PXN: variants seen among roughly 807,000 people sequenced by gnomAD.
PXN encodes testicular tissue protein Li 134.
In PXN, 61 loss-of-function variants were observed where a neutral mutation model predicts 103.6. The ratio of observed to expected loss-of-function variants is 0.59; its 90% CI spans 0.48 to 0.73. PXN has a LOEUF of 0.73. Among genes scored for constraint, PXN ranks in the 30% least tolerant of loss-of-function variants. The probability of loss-of-function intolerance (pLI) is 0.00; values close to 1 mark genes in which losing one functional copy is unlikely to be tolerated. For missense variants in PXN, 1,274 were observed against 1,460.3 expected (o/e 0.87, Z 2.08); for synonymous variants, 562 against 607.8 (o/e 0.92, Z 1.11).
Position 120,212,650 on chromosome 12 carries a change from G to A in PXN, c.2980-70C>T, listed in dbSNP as rs542519174. On this transcript the variant is annotated intron_variant, in intron 14 of 14. Transcript: ENST00000637617. The surrounding 1 kb of genome is among the most constrained non-coding windows in gnomAD (Gnocchi z 7.2). ...GAGCTGCACCCTGTGTGATGGGGCCGAGGTGGGCATAGTCGGCACGCTCGG... is the reference window on the plus strand; with the variant it reads ...GAGCTGCACCCTGTGTGATGGGGCCAAGGTGGGCATAGTCGGCACGCTCGG... 25 of 1,549,664 alleles carry A rather than the reference G, an allele frequency of 1.6e-5. No homozygotes were observed. The highest frequency in any genetic ancestry group is 2.0e-4 in the Middle Eastern group (1 of 5,102).
At position 120,210,782 on chromosome 12, in the gene PXN, A is replaced by C. The variant is rs1361987069; in HGVS notation, c.*1532T>G. 3 of 152,632 alleles carry C rather than the reference A, an allele frequency of 2.0e-5. No homozygotes were observed. Among genetic ancestry groups the C allele is most frequent in the African/African-American group, 2.4e-5 (1 of 41,442 alleles). The allele number at this position is 152,632 out of a possible 1,614,324, so 9.5% of individuals were successfully genotyped here. On this transcript the variant is annotated 3_prime_UTR_variant, in exon 15 of 15. Transcript: ENST00000637617. ...TGGAGTGGTTTGGACTGTCACCATTAGACCCCGGTGGGGCCCCTTTCTCCT... is the reference window on the plus strand; with the variant it reads ...TGGAGTGGTTTGGACTGTCACCATTCGACCCCGGTGGGGCCCCTTTCTCCT...
chr12:120,245,746 C>A (rs1177766787), intron 1 of PXN, among the ~76,000 whole-genome samples: 1 of 141,800 alleles, frequency 7.1e-6, no homozygotes, highest in African/African-American at 2.7e-5. Flanking sequence ...CGAGATCGCA[C>A]GACTGCACTC....
chr12:120,242,196 A>T (rs1197681979), intron 1 of PXN, among the ~76,000 whole-genome samples: 1 of 152,124 alleles, frequency 6.6e-6, no homozygotes, highest in East Asian at 1.9e-4. Flanking sequence ...TTGTTAAATT[A>T]TATGGTACCC....
chr12:120,216,791 C>T lies in PXN; in HGVS notation c.1992+50G>A. On this transcript the variant is annotated intron_variant, in intron 8 of 14. Transcript: ENST00000637617. The surrounding 1 kb of genome is among the most constrained non-coding windows in gnomAD (Gnocchi z 5.1). ...CTGGGGCCAGGGAAGAACCCGGACC[C>T]CAGGTGCTTGGCTCTGGCCCAGCCC... 1 of 1,579,076 alleles carries T rather than the reference C, an allele frequency of 6.3e-7. No individual in the cohort carries two copies. Among genetic ancestry groups the T allele is most frequent in the South Asian group, 1.1e-5 (1 of 88,504 alleles).
chr12:120,228,805 G>A lies in PXN; in HGVS notation c.14-4428C>T, dbSNP rs974198966. On this transcript the variant is annotated intron_variant, in intron 1 of 14. Coordinates refer to ENST00000637617, the MANE Select transcript of PXN (RefSeq NM_001385981.1). The surrounding 1 kb of genome is among the most constrained non-coding windows in gnomAD (Gnocchi z 4.7). ...CCTGTGCAAATGCAGCACCGTGTGCGCCCCTATCTGCACCCCATGGCTGCA... is the reference window on the plus strand; with the variant it reads ...CCTGTGCAAATGCAGCACCGTGTGCACCCCTATCTGCACCCCATGGCTGCA... 3.9e-5 allele frequency among the ~76,000 whole-genome samples: 6 copies of A among 152,206 alleles called. No individual in the cohort carries two copies. The highest frequency in any genetic ancestry group is 7.2e-5 in the African/African-American group (3 of 41,442).
At position 120,215,797 on chromosome 12, in the gene PXN, G is replaced by T; in HGVS notation, c.2302-136C>A. 7.8e-7 allele frequency: 1 copy of T among 1,284,328 alleles called. No individual in the cohort carries two copies. Among genetic ancestry groups the T allele is most frequent in the East Asian group, 2.7e-5 (1 of 36,554 alleles). 79.6% of individuals were successfully genotyped at this position (1,284,328 alleles called of 1,614,324 possible). ...TCCCCCACCGGCAGGACCAAAATTG[G>T]GGGAAAAAATCTGGAGAAAAAGAGC... On this transcript the variant is annotated intron_variant, in intron 9 of 14. Coordinates refer to ENST00000637617, the MANE Select transcript of PXN (RefSeq NM_001385981.1). The surrounding 1 kb of genome is among the most constrained non-coding windows in gnomAD (Gnocchi z 4.9).
Position 120,212,375 on chromosome 12 carries a change from G to T in PXN, c.3185C>A (p.Thr1062Asn). ...AFCLKQLNKG[T>N]FKEQNDKPYC... ...AGGCTTGTCGTTCTGCTCCTTGAAG[G>T]TGCCCTTGTTGAGCTGCTTGAGGCA... Residue 1062 changes from threonine (T) to asparagine (N), a missense_variant, in exon 15 of 15, where the codon ACC (threonine) becomes AAC (asparagine). By Grantham distance (65) the Thr-to-Asn change is moderately conservative. Transcript: ENST00000637617. The surrounding 1 kb of genome is among the most constrained non-coding windows in gnomAD (Gnocchi z 7.2). 1.2e-6 allele frequency: 2 copies of T among 1,614,034 alleles called. No homozygotes were observed. The highest frequency in any genetic ancestry group is 1.7e-6 in the Non-Finnish European group (2 of 1,179,902).
intron 1 of PXN, among the ~76,000 whole-genome samples, chr12:120,248,158 CAA>C (rs538420700): frequency 1.4e-3 from 217 of 152,120 alleles, no homozygotes; most frequent in African/African-American, 5.1e-3. Context: ...GCAAATAACC[CAA>C]GAGAGGTGAA....
chr12:120,217,481 G>T lies in PXN; in HGVS notation c.1717-365C>A, dbSNP rs1169331559. Among the ~76,000 whole-genome samples the T allele has an allele frequency of 6.6e-6, 1 of 152,232 alleles. No homozygotes were observed. Among genetic ancestry groups the T allele is most frequent in the African/African-American group, 2.4e-5 (1 of 41,470 alleles). On this transcript the variant is annotated intron_variant, in intron 7 of 14. Coordinates refer to ENST00000637617, the MANE Select transcript of PXN (RefSeq NM_001385981.1). The surrounding 1 kb of genome is among the most constrained non-coding windows in gnomAD (Gnocchi z 4.1). ...GGCTTACCGCACAGGGTTTGCACAAGAATTATTCCAGAGGATGTAAGTGCA... is the reference window on the plus strand; with the variant it reads ...GGCTTACCGCACAGGGTTTGCACAATAATTATTCCAGAGGATGTAAGTGCA...
chr12:120,219,070 G>A lies in PXN; in HGVS notation c.1716+137C>T, dbSNP rs767729935. 4 of 960,802 alleles carry A rather than the reference G, an allele frequency of 4.2e-6. No individual in the cohort carries two copies. Among genetic ancestry groups the A allele is most frequent in the Non-Finnish European group, 6.0e-6 (4 of 671,748 alleles). 59.5% of individuals were successfully genotyped at this position (960,802 alleles called of 1,614,324 possible). On this transcript the variant is annotated intron_variant, in intron 7 of 14. Transcript: ENST00000637617. This position sits in a 1 kb window ranked among gnomAD's most constrained non-coding sequence, Gnocchi z 6.5. ...CCCACTGCCAAGTGCTGACTGTCAG[G>A]TCCGGCCACAGTGTCTCAGCATTTT...
chr12:120,230,880 TCTCCTTGAGGGGC>T (rs1887897945), intron 1 of PXN, among the ~76,000 whole-genome samples: 1 of 152,066 alleles, frequency 6.6e-6, no homozygotes, highest in Admixed American at 6.5e-5. Context: ...AGGAACTCAG[TCTCCTTGAGGGGC>T]CTTCCCTGCC....
At chr12:120,226,872 G>C in intron 1 of PXN, 10 of 995,824 alleles carry the variant, frequency 1.0e-5, no homozygotes, top group Non-Finnish European at 1.2e-5. Context: ...ATAAGGGCTA[G>C]CAGGTACACT....
At chr12:120,253,011 AAAAAAAAAAGGAACAACATGGACTTTTT>A in intron 1 of PXN, among the ~76,000 whole-genome samples, 1 of 151,616 alleles carries the variant, frequency 6.6e-6, no homozygotes, top group Admixed American at 6.6e-5. Context: ...AAAAAAAAAA[AAAAAAAAAAGGAACAACATGGACTTTTT>A]GGTGCAATCT....
Position 120,215,835 on chromosome 12 carries a change from G to T in PXN, c.2302-174C>A. The T allele has an allele frequency of 7.8e-7, 1 of 1,286,994 alleles. No homozygotes were observed. Among genetic ancestry groups the T allele is most frequent in the Non-Finnish European group, 1.0e-6 (1 of 974,448 alleles). The allele number at this position is 1,286,994 out of a possible 1,614,324, so 79.7% of individuals were successfully genotyped here. On this transcript the variant is annotated intron_variant, in intron 9 of 14. Transcript: ENST00000637617. The surrounding 1 kb of genome is among the most constrained non-coding windows in gnomAD (Gnocchi z 4.9). ...GGAGAAAAAGAGCCCTGAGAGAGAG[G>T]CCTAGGGAGAAAGGAAGAAGGACAG... is the stretch of plus-strand genomic sequence containing the variant.
Position 120,265,651 on chromosome 12 carries a change from T to C in PXN, c.-22A>G. 2 of 1,465,572 alleles carry C rather than the reference T, an allele frequency of 1.4e-6. No individual in the cohort carries two copies. Among genetic ancestry groups the C allele is most frequent in the South Asian group, 1.3e-5 (1 of 77,138 alleles). 90.8% of individuals were successfully genotyped at this position (1,465,572 alleles called of 1,614,324 possible). ...CCATGGCCGGACCACGGGCGCCGGC[T>C]CAGGGTCGCGCTAGCTGCCCGTCCC... is the stretch of plus-strand genomic sequence containing the variant. On this transcript the variant is annotated 5_prime_UTR_variant, in exon 1 of 15. Coordinates refer to ENST00000637617, the MANE Select transcript of PXN (RefSeq NM_001385981.1). This position sits in a 1 kb window ranked among gnomAD's most constrained non-coding sequence, Gnocchi z 5.7.
chr12:120,262,415 C>T (rs1652033761), intron 1 of PXN, among the ~76,000 whole-genome samples: 1 of 152,192 alleles, frequency 6.6e-6, no homozygotes, highest in Admixed American at 6.5e-5. Context: ...GGCCCCAAGG[C>T]TCATCCCCCT....
intron 1 of PXN, among the ~76,000 whole-genome samples, chr12:120,244,642 C>A (rs201065716): frequency 7.0e-6 from 1 of 142,410 alleles, no homozygotes; most frequent in East Asian, 2.1e-4. Context: ...AGTGAGACTC[C>A]GTCTCGGAAA....
Position 120,211,719 on chromosome 12 carries a change from A to G in PXN, c.*595T>C. ...AGAACAAGAGCAGGTATAAAAGGGG[A>G]GGGCGGGTCTAAAAGGCAGGGGCAG... On this transcript the variant is annotated 3_prime_UTR_variant, in exon 15 of 15. Transcript: ENST00000637617. 2 of 342,734 alleles carry G rather than the reference A, an allele frequency of 5.8e-6. No individual in the cohort carries two copies. Among genetic ancestry groups the G allele is most frequent in the Non-Finnish European group, 1.2e-5 (2 of 171,332 alleles). The allele number at this position is 342,734 out of a possible 1,614,324, so 21.2% of individuals were successfully genotyped here.
chr12:120,236,126 T>C (rs1888988026), intron 1 of PXN, among the ~76,000 whole-genome samples: 1 of 152,216 alleles, frequency 6.6e-6, no homozygotes, highest in Admixed American at 6.5e-5. Context: ...TTGCCCTCTG[T>C]ACTGCTGTTT....
Sources: allele counts gnomAD v4.1 joint callset (sites outside exome capture counted in the v4.1 genomes callset), GRCh38; gene constraint gnomAD v4.1.1; non-coding constraint Gnocchi (gnomAD v3.1); transcripts MANE v1.5; gene names NCBI Gene and HGNC (gene_info 2026-07-23, HGNC 2026-07-21).